The following GNG7 variants were observed in gnomAD, a reference collection of about 807,000 sequenced individuals.
The protein encoded by GNG7 is guanine nucleotide-binding protein G(I)/G(S)/G(O) subunit gamma-7.
In GNG7, 1 loss-of-function variant was observed where a neutral mutation model predicts 4.0. That is an observed-to-expected ratio of 0.25 (90% confidence interval 0.09 to 1.18). The LOEUF is 1.18. Among genes scored for constraint, GNG7 ranks in the 50% most tolerant of loss-of-function variants. The pLI, the probability that GNG7 is intolerant of heterozygous loss-of-function variation, is 0.50. For synonymous variants in GNG7, 34 were observed against 36.9 expected (o/e 0.92, Z 0.29); for missense variants, 86 against 91.9 (o/e 0.94, Z 0.26).
At chr19:2,649,112 T>A (rs1416869570) in intron 1 of GNG7, among the ~76,000 whole-genome samples, 5 of 151,756 alleles carry the variant, frequency 3.3e-5, no homozygotes, top group East Asian at 3.9e-4. Context: ...TTTAATTTTT[T>A]AAAAATAGAG....
intron 2 of GNG7, among the ~76,000 whole-genome samples, chr19:2,559,035 G>A (rs1401261277): frequency 6.6e-6 from 1 of 151,974 alleles, no homozygotes; most frequent in African/African-American, 2.4e-5. Context: ...CTGACCTCAT[G>A]TGATCCACCC....
chr19:2,566,621 G>A (rs1184293917), intron 2 of GNG7, among the ~76,000 whole-genome samples: 3 of 152,156 alleles, frequency 2.0e-5, no homozygotes, highest in Non-Finnish European at 4.4e-5. Context: ...CTAAAGGACT[G>A]GCTAGAGGTT....
At chr19:2,622,458 A>T (rs1488093641) in intron 2 of GNG7, among the ~76,000 whole-genome samples, 7 of 152,254 alleles carry the variant, frequency 4.6e-5, no homozygotes, top group Admixed American at 3.3e-4. Flanking sequence ...CTGGGGATTC[A>T]GCCCATCTCC....
At chr19:2,567,111 CAA>C (rs375974742) in intron 2 of GNG7, among the ~76,000 whole-genome samples, 89,545 of 112,306 alleles carry the variant, frequency 0.8, 34,608 homozygotes, top group Middle Eastern at 0.83. Flanking sequence ...GACTCCGTCT[CAA>C]AAAAAAAAAC....
rs750537285 is a variant in GNG7, at chr19:2,616,143, T to C, written c.-78+30081A>G. Among the ~76,000 whole-genome samples the C allele has an allele frequency of 2.6e-5, 4 of 152,162 alleles. No individual in the cohort carries two copies. The South Asian group carries it at 8.3e-4, about 31-fold the overall frequency. On this transcript the variant is annotated intron_variant, in intron 2 of 4. Coordinates refer to ENST00000382159, the MANE Select transcript of GNG7 (RefSeq NM_052847.3). ...GCTGGTGTGGGCCAGGCATGGCACCTCACACCTGTGATCCCAGTGCTTTGG... is the reference window on the plus strand; with the variant it reads ...GCTGGTGTGGGCCAGGCATGGCACCCCACACCTGTGATCCCAGTGCTTTGG...
intron 3 of GNG7, among the ~76,000 whole-genome samples, chr19:2,521,981 G>C (rs1018830473): frequency 2.6e-5 from 4 of 152,148 alleles, no homozygotes; most frequent in Non-Finnish European, 4.4e-5. Flanking sequence ...GAAAAACCCA[G>C]GACCTCAACA....
In GNG7 at chr19:2,590,485, T is replaced by TCATC. The variant is rs755259874; in HGVS notation, c.-77-35301_-77-35298dup. ...TCTATCCATTCATCCACCCATCTGTTCATCCATCCATCCATCCATCCATCC... is the reference window on the plus strand; with the variant it reads ...TCTATCCATTCATCCACCCATCTGTTCATCCATCCATCCATCCATCCATCCATCC... On this transcript the variant is annotated intron_variant, in intron 2 of 4. Coordinates refer to ENST00000382159, the MANE Select transcript of GNG7 (RefSeq NM_052847.3). Among the ~76,000 whole-genome samples, 910 of 131,962 alleles carry TCATC rather than the reference T, an allele frequency of 6.9e-3. 7 individuals are homozygous for TCATC. Among genetic ancestry groups the TCATC allele is most frequent in the African/African-American group, 0.022 (772 of 34,970 alleles). The allele number at this position is 131,962 out of a possible 152,430, so 86.6% of individuals were successfully genotyped here. A position where few individuals can be genotyped will look rare whatever the true frequency, so the allele number is the denominator to read the frequency against.
intron 1 of GNG7, among the ~76,000 whole-genome samples, chr19:2,660,709 G>A (rs776600385): frequency 2.6e-5 from 4 of 152,150 alleles, no homozygotes; most frequent in Non-Finnish European, 5.9e-5. Flanking sequence ...GAGGATCACT[G>A]GAGCCCAGGA....
At chr19:2,681,357 G>T (rs1047607769) in intron 1 of GNG7, among the ~76,000 whole-genome samples, 1 of 151,604 alleles carries the variant, frequency 6.6e-6, no homozygotes, top group Non-Finnish European at 1.5e-5. Flanking sequence ...CTAATTTTTT[G>T]TCCTTTTAGT....
At chr19:2,568,370 CAT>C (rs574439934) in intron 2 of GNG7, among the ~76,000 whole-genome samples, 14 of 150,824 alleles carry the variant, frequency 9.3e-5, no homozygotes, top group Non-Finnish European at 1.3e-4. Flanking sequence ...CACATACACA[CAT>C]ATAGACACAC....
intron 2 of GNG7, among the ~76,000 whole-genome samples, chr19:2,622,073 CT>C (rs535584117): frequency 0.057 from 8,029 of 140,278 alleles, 335 homozygotes; most frequent in African/African-American, 0.13. Context: ...CCCTCATCAA[CT>C]TTTTTTTTTT....
At chr19:2,678,822 T>C (rs1983658450) in intron 1 of GNG7, among the ~76,000 whole-genome samples, 1 of 152,064 alleles carries the variant, frequency 6.6e-6, no homozygotes, top group Admixed American at 6.6e-5. Flanking sequence ...ATCCCTTCCC[T>C]GACCTTTGCA....
chr19:2,528,336 G>A (rs951182173), intron 3 of GNG7, among the ~76,000 whole-genome samples: 8 of 150,556 alleles, frequency 5.3e-5, no homozygotes, highest in Non-Finnish European at 8.9e-5. Flanking sequence ...ACTTTGGGAG[G>A]CCGAGGCGGG....
intron 2 of GNG7, among the ~76,000 whole-genome samples, chr19:2,637,057 A>C (rs1599433647): frequency 4.3e-5 from 6 of 139,548 alleles, no homozygotes; most frequent in Non-Finnish European, 6.3e-5. Context: ...CACCCACTGC[A>C]CCCCCGTCCC....
chr19:2,697,827 C>T (rs1446818436), intron 1 of GNG7, among the ~76,000 whole-genome samples: 1 of 151,542 alleles, frequency 6.6e-6, no homozygotes, highest in African/African-American at 2.4e-5. Context: ...CAAAAATTAG[C>T]CGGGCGTGGT....
chr19:2,696,330 GAAAGAAAGAAAGAAAGA>G (rs1326869490), intron 1 of GNG7, among the ~76,000 whole-genome samples: 114 of 135,338 alleles, frequency 8.4e-4, no homozygotes, highest in African/African-American at 3.0e-3. Flanking sequence ...AAGAAAGAAA[GAAAGAAAGAAAGAAAGA>G]AAAGAAAGAA....
At chr19:2,692,308 CT>C (rs749920695) in intron 1 of GNG7, among the ~76,000 whole-genome samples, 1 of 152,092 alleles carries the variant, frequency 6.6e-6, no homozygotes, top group Non-Finnish European at 1.5e-5. Flanking sequence ...TTCCTCCTGG[CT>C]TTGTTGTCCA....
intron 2 of GNG7, among the ~76,000 whole-genome samples, chr19:2,574,308 C>T (rs892662634): frequency 2.4e-4 from 37 of 152,284 alleles, no homozygotes; most frequent in African/African-American, 8.4e-4. Context: ...AATGTTGTGC[C>T]GCCATCACCA....
At chr19:2,581,369 G>A (rs8106868) in intron 2 of GNG7, among the ~76,000 whole-genome samples, 1 of 151,282 alleles carries the variant, frequency 6.6e-6, no homozygotes, top group Non-Finnish European at 1.5e-5. Flanking sequence ...CGGGTGGCCT[G>A]GAGCACCAGC....
Sources: gnomAD v4.1 joint callset for allele counts (sites outside exome capture counted in the v4.1 genomes callset) on GRCh38, gnomAD v4.1.1 for gene constraint, MANE v1.5 for transcripts, NCBI Gene and HGNC (gene_info 2026-07-23, HGNC 2026-07-21) for gene names.